The following VOPP1 variants were observed in gnomAD, a reference collection of about 807,000 sequenced individuals.
VOPP1 encodes VOPP1 WW domain binding protein.
VOPP1 carries 8 observed loss-of-function variants against 23.5 expected under a neutral mutation model. That is an observed-to-expected ratio of 0.34 (90% CI 0.20 to 0.61). The LOEUF is 0.61. Ranked by LOEUF, VOPP1 falls within the 20% of genes least tolerant of loss-of-function variation. VOPP1 has a pLI of 0.78. For synonymous variants in VOPP1, 83 were observed against 97.3 expected, an observed-to-expected ratio of 0.85 and a Z score of 0.86; for missense variants, 174 against 238.1, an observed-to-expected ratio of 0.73 and a Z score of 1.77.
intron 1 of VOPP1, among the ~76,000 whole-genome samples, chr7:55,548,433 C>T (rs2177689): frequency 6.6e-6 from 1 of 152,200 alleles, no homozygotes; most frequent in Admixed American, 6.5e-5. Context: ...GGGGATACCC[C>T]GGGGGATCCC....
At chr7:55,498,370 C>T (rs566754408) in intron 2 of VOPP1, among the ~76,000 whole-genome samples, 41 of 152,330 alleles carry the variant, frequency 2.7e-4, no homozygotes, top group African/African-American at 9.6e-4. Flanking sequence ...GTTTCCGGGC[C>T]CCTGGCAGGC....
intron 4 of VOPP1, among the ~76,000 whole-genome samples, chr7:55,464,876 T>C (rs1337505168): frequency 6.6e-6 from 1 of 152,168 alleles, no homozygotes; most frequent in Non-Finnish European, 1.5e-5. Flanking sequence ...TTGGAGGACT[T>C]GAGGATGCTC....
rs150040314 is a variant in VOPP1 at position 55,552,096 on chromosome 7, A to G, written c.54+20175T>C. 6.7e-5 allele frequency among the ~76,000 whole-genome samples: 10 copies of G among 150,050 alleles called. No individual in the cohort carries two copies. In the East Asian group the frequency reaches 2.0e-3, roughly 30 times the overall value. ...GAGGGAAAGCCCTGGGAGCCAGGTT[A>G]GCCAGGTCAGGGACCAGTGACCCTG... On this transcript the variant is annotated intron_variant, in intron 1 of 4. Transcript: ENST00000285279.
chr7:55,486,463 G>A (rs930566851), intron 4 of VOPP1, among the ~76,000 whole-genome samples: 5 of 152,198 alleles, frequency 3.3e-5, no homozygotes, highest in Admixed American at 2.0e-4. Context: ...GGGCAGCACG[G>A]GGGCTGGAAA....
intron 4 of VOPP1, among the ~76,000 whole-genome samples, chr7:55,437,372 A>G (rs979746415): frequency 1.3e-5 from 2 of 152,234 alleles, no homozygotes; most frequent in African/African-American, 4.8e-5. Context: ...ATCTGCTCTG[A>G]CACTGAAATC....
Position 55,535,156 on chromosome 7 carries a change from G to C in VOPP1, c.55-14026C>G, listed in dbSNP as rs147450496. 4.6e-3 allele frequency among the ~76,000 whole-genome samples: 695 copies of C among 152,332 alleles called. 15 individuals carry two copies. The highest frequency in any genetic ancestry group is 5.1e-3 in the Non-Finnish European group (345 of 68,040). ...CAGCAGCCTTGACAAAGCTCAGGGG[G>C]CTACGCAGGGCTCTGTCATAGAGAA... On this transcript the variant is annotated intron_variant, in intron 1 of 4. Coordinates refer to ENST00000285279, the MANE Select transcript of VOPP1 (RefSeq NM_030796.5).
At chr7:55,462,479 C>T (rs1170207648) in intron 4 of VOPP1, among the ~76,000 whole-genome samples, 1 of 152,040 alleles carries the variant, frequency 6.6e-6, no homozygotes, top group African/African-American at 2.4e-5. Context: ...TCTTCTATAA[C>T]ACCCAATATT....
chr7:55,462,350 A>G (rs1441650764), intron 4 of VOPP1, among the ~76,000 whole-genome samples: 3 of 152,172 alleles, frequency 2.0e-5, no homozygotes, highest in Admixed American at 1.3e-4. Context: ...TTCGGGTTCA[A>G]TCTATTTGGG....
intron 2 of VOPP1, among the ~76,000 whole-genome samples, chr7:55,520,728 C>T (rs1795786882): frequency 6.6e-6 from 1 of 152,242 alleles, no homozygotes; most frequent in Admixed American, 6.5e-5. Flanking sequence ...GCTCATAAGT[C>T]TGCTCCTATG....
At chr7:55,567,870 G>A (rs1798214032) in intron 1 of VOPP1, among the ~76,000 whole-genome samples, 1 of 152,192 alleles carries the variant, frequency 6.6e-6, no homozygotes, top group African/African-American at 2.4e-5. Flanking sequence ...GAAATTGGCA[G>A]CCAGGGACTG....
intron 4 of VOPP1, among the ~76,000 whole-genome samples, chr7:55,476,446 G>T (rs988113006): frequency 1.3e-5 from 2 of 151,822 alleles, no homozygotes; most frequent in South Asian, 4.2e-4. Flanking sequence ...GTGGGCGGGG[G>T]GGCTGGGCCA....
intron 4 of VOPP1, among the ~76,000 whole-genome samples, chr7:55,477,575 G>A (rs866136432): frequency 2.0e-5 from 3 of 152,218 alleles, no homozygotes; most frequent in African/African-American, 2.4e-5. Flanking sequence ...GTAGAAGAGA[G>A]GCAGCCAGGC....
chr7:55,444,049 A>C (rs1791035012), intron 4 of VOPP1, among the ~76,000 whole-genome samples: 1 of 152,180 alleles, frequency 6.6e-6, no homozygotes, highest in South Asian at 2.1e-4. Context: ...GAAGGAGTGT[A>C]GATCCATAAA....
chr7:55,539,040 AGG>A (rs60010511), intron 1 of VOPP1, among the ~76,000 whole-genome samples: 937 of 47,818 alleles, frequency 0.02, 9 homozygotes, highest in African/African-American at 0.052. Context: ...TTAAAAAAAA[AGG>A]GGGGGGGGGA....
intron 4 of VOPP1, among the ~76,000 whole-genome samples, chr7:55,482,712 GA>G (rs1792834743): frequency 6.6e-6 from 1 of 152,000 alleles, no homozygotes; most frequent in South Asian, 2.1e-4. Context: ...AGGGTTTACA[GA>G]GACCATACAC....
chr7:55,455,420 T>C (rs1208527667), intron 4 of VOPP1, among the ~76,000 whole-genome samples: 1 of 152,150 alleles, frequency 6.6e-6, no homozygotes, highest in Non-Finnish European at 1.5e-5. Flanking sequence ...CAAGCTACCA[T>C]TGACTTTCTT....
In VOPP1 at chr7:55,436,659, C is replaced by T. The variant is rs116522170; in HGVS notation, n.418-485G>A. On this transcript the variant is annotated intron_variant and non_coding_transcript_variant, in intron 4 of 4. Transcript: ENST00000462326. ...GTGTGTGCGTGCGTGGGTGTGTGTG[C>T]GTGTGTGCGTGCGTGTGCGTGTGTG... Among the ~76,000 whole-genome samples, 606 of 145,836 alleles carry T rather than the reference C, an allele frequency of 4.2e-3. 8 individuals carry two copies. The highest frequency in any genetic ancestry group is 0.013 in the African/African-American group (518 of 39,450).
At chr7:55,523,162 A>G (rs940593083) in intron 1 of VOPP1, among the ~76,000 whole-genome samples, 14 of 152,206 alleles carry the variant, frequency 9.2e-5, no homozygotes, top group Non-Finnish European at 1.6e-4. Context: ...ACCTCCAGCA[A>G]GAACAAAGGC....
chr7:55,553,033 G>A (rs966074116), intron 1 of VOPP1, among the ~76,000 whole-genome samples: 4 of 152,210 alleles, frequency 2.6e-5, no homozygotes, highest in African/African-American at 9.6e-5. Context: ...CTGAGTTTCA[G>A]TGTTATTGCT....
Sources: allele counts gnomAD v4.1 joint callset (sites outside exome capture counted in the v4.1 genomes callset), GRCh38; gene constraint gnomAD v4.1.1; transcripts MANE v1.5; gene names NCBI Gene and HGNC (gene_info 2026-07-23, HGNC 2026-07-21).